The following ARHGAP42 variants were observed in gnomAD, a reference collection of about 807,000 sequenced individuals.
ARHGAP42 encodes the protein Rho GTPase activating protein 42, also known as rho GTPase-activating protein 42.
ARHGAP42 carries 63 observed loss-of-function variants against 125.0 expected under a neutral mutation model. That is an observed-to-expected ratio of 0.50 (90% CI 0.41 to 0.62). The LOEUF (loss-of-function observed/expected upper bound fraction) is 0.62. Among genes scored for constraint, ARHGAP42 ranks in the 20% least tolerant of loss-of-function variants. ARHGAP42 has a pLI of 0.00. For missense variants in ARHGAP42, 766 were observed against 1,024.2 expected (o/e 0.75, Z 3.44); for synonymous variants, 339 against 351.0 (o/e 0.97, Z 0.38).
intron 4 of ARHGAP42, among the ~76,000 whole-genome samples, chr11:100,869,175 ACT>A (rs1565250614): frequency 6.6e-6 from 1 of 152,040 alleles, no homozygotes; most frequent in Non-Finnish European, 1.5e-5. Flanking sequence ...GATGAACATT[ACT>A]TATAACTAAT....
chr11:100,817,399 G>A (rs138479137), intron 3 of ARHGAP42, among the ~76,000 whole-genome samples: 101 of 152,206 alleles, frequency 6.6e-4, no homozygotes, highest in African/African-American at 2.0e-3. Flanking sequence ...TTAGTTGGGG[G>A]TACTTATTAG....
chr11:100,864,917 T>G (rs1334105668), intron 4 of ARHGAP42, among the ~76,000 whole-genome samples: 2 of 152,184 alleles, frequency 1.3e-5, no homozygotes. Flanking sequence ...AATGGTAACT[T>G]GTTTCATTAG....
intron 1 of ARHGAP42, among the ~76,000 whole-genome samples, chr11:100,719,255 TAGG>T (rs1268248891): frequency 1.3e-5 from 2 of 152,208 alleles, no homozygotes; most frequent in African/African-American, 4.8e-5. Flanking sequence ...AGTCAAATAA[TAGG>T]AGAAAACAAC....
chr11:100,954,162 GT>G (rs1325026682), intron 12 of ARHGAP42, among the ~76,000 whole-genome samples: 4 of 152,070 alleles, frequency 2.6e-5, no homozygotes, highest in African/African-American at 9.7e-5. Context: ...TCAAATATGA[GT>G]TTTGTGTGAT....
intron 3 of ARHGAP42, chr11:100,840,649 A>C (rs567873342): frequency 1.3e-5 from 2 of 152,186 alleles, no homozygotes; most frequent in Non-Finnish European, 2.9e-5. Context: ...AGAAAAAAGG[A>C]GATGGATTTA....
At chr11:100,944,045 G>A (rs1490823708) in intron 10 of ARHGAP42, among the ~76,000 whole-genome samples, 177 bp downstream of exon 10, 1 of 151,968 alleles carries the variant, frequency 6.6e-6, no homozygotes, top group Non-Finnish European at 1.5e-5. Flanking sequence ...AAGCAAATCA[G>A]ATCCATGATG....
At chr11:100,699,182 T>C (rs957833959) in intron 1 of ARHGAP42, among the ~76,000 whole-genome samples, 1 of 152,066 alleles carries the variant, frequency 6.6e-6, no homozygotes, top group Non-Finnish European at 1.5e-5. Flanking sequence ...ACCCTGATGC[T>C]GATGTGCTTT....
intron 3 of ARHGAP42, among the ~76,000 whole-genome samples, chr11:100,797,981 A>T (rs1473144803): frequency 6.6e-6 from 1 of 152,230 alleles, no homozygotes; most frequent in African/African-American, 2.4e-5. Flanking sequence ...GGAGAGGTTC[A>T]AGACTCAGTG....
intron 6 of ARHGAP42, among the ~76,000 whole-genome samples, chr11:100,924,198 A>G (rs1434521505): frequency 6.6e-6 from 1 of 152,110 alleles, no homozygotes; most frequent in African/African-American, 2.4e-5. Context: ...GATGGGATCT[A>G]TCTTCTACAG....
rs1439404512 is a variant in ARHGAP42, at chr11:100,899,734, GT to G, written c.385-13709del. Reference sequence around the variant, plus strand: ...TGTTTTGTGTTTTGTTTTTTTTTTTGTTTTTTTTTGCTCTCTATTTGCTTTG... The same window carrying G: ...TGTTTTGTGTTTTGTTTTTTTTTTTGTTTTTTTTGCTCTCTATTTGCTTTG... On this transcript the variant is annotated intron_variant, in intron 4 of 23. Coordinates refer to ENST00000298815, the MANE Select transcript of ARHGAP42 (RefSeq NM_152432.4). 1.7e-4 allele frequency among the ~76,000 whole-genome samples: 11 copies of G among 63,788 alleles called. 1 individual carries two copies. Among genetic ancestry groups the G allele is most frequent in the African/African-American group, 1.1e-3 (11 of 10,212 alleles). 41.8% of individuals were successfully genotyped at this position (63,788 alleles called of 152,430 possible).
At chr11:100,776,120 T>C (rs980401107) in intron 2 of ARHGAP42, among the ~76,000 whole-genome samples, 4 of 151,276 alleles carry the variant, frequency 2.6e-5, no homozygotes, top group Admixed American at 6.6e-5. Flanking sequence ...GATCGTGCCA[T>C]TGCACTCCAG....
intron 1 of ARHGAP42, among the ~76,000 whole-genome samples, chr11:100,715,076 T>G (rs2455569): frequency 7.4e-6 from 1 of 134,618 alleles, no homozygotes; most frequent in African/African-American, 2.8e-5. Flanking sequence ...AAAAAAAAAG[T>G]TTATTTAAAC....
At chr11:100,918,501 TTC>T (rs1867140084) in intron 5 of ARHGAP42, among the ~76,000 whole-genome samples, 1 of 152,182 alleles carries the variant, frequency 6.6e-6, no homozygotes, top group African/African-American at 2.4e-5. Flanking sequence ...AGTGCTCTCT[TTC>T]AGTTTTAAAA....
chr11:100,901,226 C>T (rs978458667), intron 4 of ARHGAP42, among the ~76,000 whole-genome samples: 3 of 152,206 alleles, frequency 2.0e-5, no homozygotes, highest in Admixed American at 2.0e-4. Flanking sequence ...GCGGAGGCAG[C>T]AGAACAGCAA....
Position 100,770,380 on chromosome 11 carries a change from G to T in ARHGAP42, c.192G>T (p.Leu64Phe). ...CAGTGCAGAAATTTTCCCAGTCATTGCAAGATTTCCAGTTTGAATGTATTG... is the reference window on the plus strand; with the variant it reads ...CAGTGCAGAAATTTTCCCAGTCATTTCAAGATTTCCAGTTTGAATGTATTG... ...SMAVQKFSQS[L>F]QDFQFECIGD... is the part of the protein sequence containing the mutation. Residue 64 changes from leucine to phenylalanine, a missense_variant, in exon 2 of 24, where the codon TTG (leucine) becomes TTT (phenylalanine). Physicochemically the swap from Leu to Phe is conservative, Grantham distance 22 (BLOSUM62 0). Transcript: ENST00000298815. 1 of 1,550,466 alleles carries T rather than the reference G, an allele frequency of 6.4e-7. No homozygotes were observed. The highest frequency in any genetic ancestry group is 1.4e-5 in the African/African-American group (1 of 73,134).
intron 3 of ARHGAP42, among the ~76,000 whole-genome samples, chr11:100,857,812 C>T (rs148205732): frequency 4.7e-4 from 72 of 152,178 alleles, no homozygotes; most frequent in African/African-American, 1.7e-3. Flanking sequence ...TGCTATGCAT[C>T]TGTCAATACT....
chr11:100,714,405 G>A (rs1407018492), intron 1 of ARHGAP42, among the ~76,000 whole-genome samples: 3 of 151,758 alleles, frequency 2.0e-5, no homozygotes, highest in African/African-American at 4.8e-5. Flanking sequence ...GTGTGTGTGT[G>A]TGTGTGTGTG....
rs1858848489 is a variant in ARHGAP42, at chr11:100,992,221, A to T, written c.*3420A>T. The T allele has an allele frequency of 7.0e-7, 1 of 1,425,584 alleles. No individual in the cohort carries two copies. Among genetic ancestry groups the T allele is most frequent in the Admixed American group, 2.5e-5 (1 of 40,160 alleles). The allele number at this position is 1,425,584 out of a possible 1,614,324, so 88.3% of individuals were successfully genotyped here. A position where few individuals can be genotyped will look rare whatever the true frequency, so the allele number is the denominator to read the frequency against. On this transcript the variant is annotated 3_prime_UTR_variant, in exon 24 of 24. Coordinates refer to ENST00000298815, the MANE Select transcript of ARHGAP42 (RefSeq NM_152432.4). Reference sequence around the variant, plus strand: ...CATTTAGAACCCCAACTAGACTTATACTTTGACTAAAGTCAGAGGCAGACC... The same window carrying T: ...CATTTAGAACCCCAACTAGACTTATTCTTTGACTAAAGTCAGAGGCAGACC...
At chr11:100,980,562 T>C (rs4754716) in intron 22 of ARHGAP42, among the ~76,000 whole-genome samples, 1,044 of 8,660 alleles carry the variant, frequency 0.12, 51 homozygotes, top group African/African-American at 0.26. Flanking sequence ...TCTTCTTCTT[T>C]TTTTTTTTTT....
Sources: allele counts gnomAD v4.1 joint callset (sites outside exome capture counted in the v4.1 genomes callset), GRCh38; gene constraint gnomAD v4.1.1; transcripts MANE v1.5; gene names NCBI Gene and HGNC (gene_info 2026-07-23, HGNC 2026-07-21).